Variants in ERC2 observed in about 807,000 individuals in gnomAD.
ERC2 encodes ELKS/RAB6-interacting/CAST family member 2, also known as ERC protein 2.
A neutral mutation model predicts 114.8 loss-of-function variants in ERC2; 42 were observed. The observed-to-expected ratio is 0.37, with a 90% CI of 0.29 to 0.47. The LOEUF is 0.47. Ranked by LOEUF, ERC2 falls within the 20% of genes least tolerant of loss-of-function variation. The pLI, the probability that ERC2 is intolerant of heterozygous loss-of-function variation, is 0.99. For synonymous variants in ERC2, 454 were observed against 425.5 expected, an observed-to-expected ratio of 1.07 and a Z score of -0.82; for missense variants, 939 against 1,150.7, an observed-to-expected ratio of 0.82 and a Z score of 2.66.
intron 14 of ERC2, among the ~76,000 whole-genome samples, chr3:55,822,226 G>A (rs1022874924): frequency 3.3e-5 from 5 of 152,158 alleles, no homozygotes; most frequent in Admixed American, 2.6e-4. Flanking sequence ...ACTTGGCATA[G>A]CGTTAGTCAT....
intron 14 of ERC2, among the ~76,000 whole-genome samples, chr3:55,779,590 G>A (rs935600133): frequency 1.3e-5 from 2 of 151,978 alleles, no homozygotes; most frequent in African/African-American, 4.8e-5. Flanking sequence ...AGAAACTGTA[G>A]GTCAATTCTA....
At chr3:56,391,575 G>T (rs1036562824) in intron 2 of ERC2, among the ~76,000 whole-genome samples, 8 of 152,138 alleles carry the variant, frequency 5.3e-5, no homozygotes, top group South Asian at 2.1e-4. Context: ...TTTAAGATGA[G>T]TATTAGCAAC....
chr3:55,552,915 T>C (rs1279446313), intron 17 of ERC2, among the ~76,000 whole-genome samples: 3 of 151,874 alleles, frequency 2.0e-5, no homozygotes, highest in Non-Finnish European at 4.4e-5. Context: ...TCTTGAGTTG[T>C]TGAGTAATTG....
chr3:55,642,435 A>G (rs1252372271), intron 17 of ERC2, among the ~76,000 whole-genome samples: 1 of 151,710 alleles, frequency 6.6e-6, no homozygotes, highest in Non-Finnish European at 1.5e-5. Flanking sequence ...CTGGGGTTCA[A>G]GCAATTCTTG....
chr3:56,392,036 A>C (rs926599162), intron 2 of ERC2, among the ~76,000 whole-genome samples: 1 of 152,214 alleles, frequency 6.6e-6, no homozygotes. Context: ...ATTCAAGTAA[A>C]CATATTAGAA....
At chr3:56,142,024 A>G (rs949392806) in intron 5 of ERC2, among the ~76,000 whole-genome samples, 3 of 152,120 alleles carry the variant, frequency 2.0e-5, no homozygotes, top group Admixed American at 6.6e-5. Context: ...TTTTACACTA[A>G]TGTTCATTAG....
At chr3:55,613,307 T>C (rs575854783) in intron 17 of ERC2, among the ~76,000 whole-genome samples, 1 of 152,130 alleles carries the variant, frequency 6.6e-6, no homozygotes, top group Non-Finnish European at 1.5e-5. Flanking sequence ...AAGGTTAAAG[T>C]GGATGTAATT....
chr3:55,644,024 G>A, intron 17 of ERC2, among the ~76,000 whole-genome samples: 1 of 152,010 alleles, frequency 6.6e-6, no homozygotes, highest in East Asian at 1.9e-4. Context: ...CGGACAGGAT[G>A]AAAGGGGTCA....
chr3:56,248,348 C>G (rs986919895), intron 3 of ERC2, among the ~76,000 whole-genome samples: 1 of 152,190 alleles, frequency 6.6e-6, no homozygotes, highest in Non-Finnish European at 1.5e-5. Flanking sequence ...CCTGCCTCGG[C>G]CTCCCAAACT....
In ERC2 at chr3:56,453,989, C is replaced by T. The variant is rs2062943032; in HGVS notation, c.-141+14259G>A. ...AACTGACCCAAGCATGCCTCCACACCAAAAGAAAGGCAACACATGCACCCA... is the reference window on the plus strand; with the variant it reads ...AACTGACCCAAGCATGCCTCCACACTAAAAGAAAGGCAACACATGCACCCA... On this transcript the variant is annotated intron_variant, in intron 1 of 17. Coordinates refer to ENST00000288221, the MANE Select transcript of ERC2 (RefSeq NM_015576.3). Among the ~76,000 whole-genome samples the T allele has an allele frequency of 2.0e-5, 3 of 152,232 alleles. No individual in the cohort carries two copies. In the South Asian group the frequency reaches 6.2e-4, roughly 32 times the overall value.
At position 56,254,898 on chromosome 3, in the gene ERC2, T is replaced by C. The variant is rs145703485; in HGVS notation, c.1074+41121A>G. Among the ~76,000 whole-genome samples the C allele has an allele frequency of 2.2e-4, 33 of 152,324 alleles. No individual in the cohort carries two copies. In the East Asian group the frequency reaches 6.4e-3, roughly 29 times the overall value. ...TAGTCAAAGAATATAGTTTAGTCAC[T>C]AATGTGAAAAAAGAAGATAATAATT... On this transcript the variant is annotated intron_variant, in intron 3 of 17. Coordinates refer to ENST00000288221, the MANE Select transcript of ERC2 (RefSeq NM_015576.3).
At chr3:55,578,296 A>G (rs549013421) in intron 17 of ERC2, among the ~76,000 whole-genome samples, 1 of 152,312 alleles carries the variant, frequency 6.6e-6, no homozygotes, top group African/African-American at 2.4e-5. Flanking sequence ...GGACTCCATG[A>G]GGTCTGGTCC....
At chr3:55,862,507 TGG>T (rs2062075098) in intron 14 of ERC2, among the ~76,000 whole-genome samples, 1 of 152,290 alleles carries the variant, frequency 6.6e-6, no homozygotes, top group Admixed American at 6.5e-5. Flanking sequence ...TAAACTAGGA[TGG>T]CCTAGTTTAT....
intron 6 of ERC2, among the ~76,000 whole-genome samples, chr3:56,128,155 C>T (rs1361741011): frequency 1.3e-5 from 2 of 152,162 alleles, no homozygotes; most frequent in South Asian, 2.1e-4. Context: ...CTCTCCTATT[C>T]ATTAGGTACT....
chr3:55,615,169 C>T (rs2059073372), intron 17 of ERC2, among the ~76,000 whole-genome samples: 1 of 152,174 alleles, frequency 6.6e-6, no homozygotes, highest in Non-Finnish European at 1.5e-5. Flanking sequence ...TACTTGTTGT[C>T]ATAGGATACC....
chr3:56,052,919 C>T (rs906199508), intron 7 of ERC2, among the ~76,000 whole-genome samples: 2 of 152,128 alleles, frequency 1.3e-5, no homozygotes, highest in Admixed American at 1.3e-4. Flanking sequence ...TCCAGCCTCT[C>T]ATCTTTCCCA....
intron 17 of ERC2, among the ~76,000 whole-genome samples, chr3:55,536,004 A>G (rs368457518): frequency 2.0e-5 from 3 of 152,156 alleles, no homozygotes; most frequent in East Asian, 3.9e-4. Context: ...CATCTCAAAA[A>G]CAAAACAACA....
chr3:56,128,768 C>T (rs2080035257), intron 6 of ERC2, among the ~76,000 whole-genome samples: 1 of 152,144 alleles, frequency 6.6e-6, no homozygotes, highest in South Asian at 2.1e-4. Flanking sequence ...GTGGAGAGAG[C>T]TGACCCTTCT....
chr3:56,416,105 G>A (rs1381057833), intron 2 of ERC2, among the ~76,000 whole-genome samples: 3 of 152,126 alleles, frequency 2.0e-5, no homozygotes, highest in African/African-American at 4.8e-5. Context: ...GACGTGATTT[G>A]GCCAACATCA....
Sources: gnomAD v4.1 joint callset for allele counts (sites outside exome capture counted in the v4.1 genomes callset) on GRCh38, gnomAD v4.1.1 for gene constraint, MANE v1.5 for transcripts, NCBI Gene and HGNC (gene_info 2026-07-23, HGNC 2026-07-21) for gene names.